The following NPAS3 variants were observed in gnomAD, a reference collection of about 807,000 sequenced individuals.
NPAS3 encodes neuronal PAS domain protein 3.
Under a neutral mutation model 73.1 loss-of-function variants are expected in NPAS3, and 14 were observed. The observed-to-expected ratio is 0.19, with a 90% CI of 0.13 to 0.30. The LOEUF is 0.30. NPAS3 is among the 10% of genes least tolerant of loss of function. The pLI is 1.00. For synonymous variants in NPAS3, 620 were observed against 541.5 expected (o/e 1.14, Z -2.01); for missense variants, 1,096 against 1,250.0 (o/e 0.88, Z 1.86).
chr14:33,087,524 C>T (rs981207894), intron 2 of NPAS3, among the ~76,000 whole-genome samples: 2 of 151,998 alleles, frequency 1.3e-5, no homozygotes, highest in African/African-American at 4.8e-5. Flanking sequence ...TCATGTTTAT[C>T]AAGTGATTAA....
chr14:33,492,224 G>A (rs1595017433), intron 4 of NPAS3, among the ~76,000 whole-genome samples: 2 of 152,204 alleles, frequency 1.3e-5, no homozygotes, highest in South Asian at 2.1e-4. Flanking sequence ...AATTAGCAGT[G>A]AGAACTGTTA....
chr14:33,758,926 T>C lies in NPAS3; in HGVS notation c.853-15411T>C, dbSNP rs1952165. Among the ~76,000 whole-genome samples, 1,097 of 152,362 alleles carry C rather than the reference T, an allele frequency of 7.2e-3. 14 individuals carry two copies. The highest frequency in any genetic ancestry group is 0.025 in the African/African-American group (1,058 of 41,596). Reference sequence around the variant, plus strand: ...GTAAAAGAAAATTAATTTCTCTGTGTTAAACTTGCCAGCTTTTGAATTAAT... The same window carrying C: ...GTAAAAGAAAATTAATTTCTCTGTGCTAAACTTGCCAGCTTTTGAATTAAT... On this transcript the variant is annotated intron_variant, in intron 7 of 11. Coordinates refer to ENST00000356141, the Ensembl canonical transcript of NPAS3.
intron 5 of NPAS3, among the ~76,000 whole-genome samples, chr14:33,665,627 T>C (rs2059430801): frequency 6.6e-6 from 1 of 152,144 alleles, no homozygotes; most frequent in Non-Finnish European, 1.5e-5. Flanking sequence ...ATGTACCCCA[T>C]GAATATATGC....
chr14:33,297,685 C>T (rs2042357436), intron 3 of NPAS3, among the ~76,000 whole-genome samples: 1 of 152,160 alleles, frequency 6.6e-6, no homozygotes, highest in Non-Finnish European at 1.5e-5. Flanking sequence ...GTCAGGATCC[C>T]TGCTGCTTGC....
intron 3 of NPAS3, among the ~76,000 whole-genome samples, chr14:33,349,108 G>T (rs981353014): frequency 1.3e-5 from 2 of 152,204 alleles, no homozygotes; most frequent in Admixed American, 6.5e-5. Context: ...CTAGGAAAAT[G>T]AAATGTGGGG....
At position 33,557,078 on chromosome 14, in the gene NPAS3, A is replaced by G. The variant is rs543132910; in HGVS notation, c.469-3043A>G. Among the ~76,000 whole-genome samples, 7 of 152,314 alleles carry G rather than the reference A, an allele frequency of 4.6e-5. No individual in the cohort carries two copies. In the East Asian group the frequency reaches 1.4e-3, roughly 29 times the overall value. ...TTTTCATGAGTCATCCTCAGGAGAC[A>G]TCTTGTTTGAGGTAAAGATATGTTG... On this transcript the variant is annotated intron_variant, in intron 4 of 11. Coordinates refer to ENST00000356141, the Ensembl canonical transcript of NPAS3.
rs892533991 is a variant in NPAS3, at chr14:33,181,069, C to G, written c.141-34113C>G. The stretch of plus-strand genomic sequence containing the variant: ...TTACTGCTTCAATTTTTGACTTCAC[C>G]TCATATGGCATTTATGTTTTTATGA... On this transcript the variant is annotated intron_variant, in intron 2 of 11. Coordinates refer to ENST00000356141, the Ensembl canonical transcript of NPAS3. Among the ~76,000 whole-genome samples, 4 of 152,174 alleles carry G rather than the reference C, an allele frequency of 2.6e-5. 1 individual carries two copies. The highest frequency in any genetic ancestry group is 2.6e-4 in the Admixed American group (4 of 15,288).
intron 2 of NPAS3, among the ~76,000 whole-genome samples, chr14:33,139,804 T>G (rs2043976468): frequency 6.6e-6 from 1 of 152,186 alleles, no homozygotes; most frequent in South Asian, 2.1e-4. Flanking sequence ...TAATAAACAG[T>G]GCAGATCGTA....
intron 2 of NPAS3, among the ~76,000 whole-genome samples, chr14:33,143,233 T>C (rs2044119928): frequency 6.6e-6 from 1 of 152,202 alleles, no homozygotes; most frequent in Admixed American, 6.5e-5. Flanking sequence ...GGCTCACGCC[T>C]GTAATCACAG....
chr14:33,074,002 T>A (rs557907014), intron 2 of NPAS3, among the ~76,000 whole-genome samples: 74 of 152,348 alleles, frequency 4.9e-4, no homozygotes, highest in Non-Finnish European at 8.2e-4. Flanking sequence ...GAAAGTGATT[T>A]GCTGACTGGA....
At chr14:33,063,346 C>T (rs542163020) in intron 2 of NPAS3, among the ~76,000 whole-genome samples, 1 of 152,266 alleles carries the variant, frequency 6.6e-6, no homozygotes, top group Admixed American at 6.5e-5. Context: ...GTAACAGAAG[C>T]TTACAGAGCT....
chr14:33,657,215 A>C (rs2059168853), intron 5 of NPAS3, among the ~76,000 whole-genome samples: 1 of 152,194 alleles, frequency 6.6e-6, no homozygotes, highest in Non-Finnish European at 1.5e-5. Context: ...TGAGACTGTA[A>C]CAAGCCCCTA....
At chr14:33,537,820 G>A (rs1468607156) in intron 4 of NPAS3, among the ~76,000 whole-genome samples, 5 of 152,140 alleles carry the variant, frequency 3.3e-5, no homozygotes, top group African/African-American at 1.2e-4. Context: ...GTGCTCTTTT[G>A]AGAGGCAAGC....
chr14:33,271,213 T>A (rs951803667), intron 3 of NPAS3, among the ~76,000 whole-genome samples: 4 of 152,226 alleles, frequency 2.6e-5, no homozygotes, highest in African/African-American at 4.8e-5. Context: ...TCTTGGCCTC[T>A]CTGTGCAGCA....
At chr14:33,220,305 G>A (rs1017812944) in intron 3 of NPAS3, among the ~76,000 whole-genome samples, 23 of 152,244 alleles carry the variant, frequency 1.5e-4, no homozygotes, top group African/African-American at 5.5e-4. Flanking sequence ...GGTACCCAGT[G>A]GAAACAGAAC....
At chr14:33,023,059 C>T (rs1373598573) in intron 1 of NPAS3, among the ~76,000 whole-genome samples, 1 of 151,812 alleles carries the variant, frequency 6.6e-6, no homozygotes, top group African/African-American at 2.4e-5. Flanking sequence ...CTCTTCTAAG[C>T]CGACATAACA....
intron 2 of NPAS3, among the ~76,000 whole-genome samples, chr14:33,148,776 T>C (rs2044338792): frequency 6.6e-6 from 1 of 152,118 alleles, no homozygotes. Context: ...AAGCCTCCAA[T>C]TCCAAGACTC....
At chr14:32,981,689 C>T (rs1167905179) in intron 1 of NPAS3, among the ~76,000 whole-genome samples, 1 of 152,182 alleles carries the variant, frequency 6.6e-6, no homozygotes, top group Non-Finnish European at 1.5e-5. Context: ...TAATGTATCA[C>T]ATAGATGTGT....
chr14:33,632,228 ACCTG>A (rs2058398069), intron 5 of NPAS3, among the ~76,000 whole-genome samples: 1 of 152,158 alleles, frequency 6.6e-6, no homozygotes, highest in South Asian at 2.1e-4. Context: ...CTTTAGCCAT[ACCTG>A]AGTGGGTTCT....
Sources: gnomAD v4.1 joint callset for allele counts (sites outside exome capture counted in the v4.1 genomes callset) on GRCh38, gnomAD v4.1.1 for gene constraint, MANE v1.5 for transcripts, NCBI Gene and HGNC (gene_info 2026-07-23, HGNC 2026-07-21) for gene names.